SCAF1: variants seen among roughly 807,000 people sequenced by gnomAD.
SCAF1 encodes the protein splicing factor, arginine/serine-rich 19.
In SCAF1, 28 loss-of-function variants were observed where a neutral mutation model predicts 91.2. The ratio of observed to expected loss-of-function variants is 0.31; its 90% CI spans 0.23 to 0.42. The LOEUF (loss-of-function observed/expected upper bound fraction) is 0.42, where lower values mean the gene tolerates loss of function less well. SCAF1 is among the 10% of genes least tolerant of loss of function. SCAF1 has a pLI of 1.00. For synonymous variants in SCAF1, 1,036 were observed against 833.7 expected, an observed-to-expected ratio of 1.24 and a Z score of -4.18; for missense variants, 1,893 against 1,872.1, an observed-to-expected ratio of 1.01 and a Z score of -0.21.
At chr19:49,649,516 A>G (rs1568441710) in intron 6 of SCAF1, among the ~76,000 whole-genome samples, 2 of 151,984 alleles carry the variant, frequency 1.3e-5, no homozygotes, top group East Asian at 1.9e-4. Flanking sequence ...TGTTTTTGAG[A>G]TGAAGTTTTG....
Position 49,652,436 on chromosome 19 carries a change from C to CG in SCAF1, c.2053dup (p.Ala685GlyfsTer27). The CG allele has an allele frequency of 1.2e-6, 2 of 1,600,286 alleles. No individual in the cohort carries two copies. Among genetic ancestry groups the CG allele is most frequent in the Middle Eastern group, 1.7e-4 (1 of 6,042 alleles). ...GTGTGGTGACCGCGACAGCCGCCGC[C>CG]GGGGGGCCGTGCCACCCTCCATCCA... On this transcript the variant is annotated frameshift_variant, in exon 7 of 11. Coordinates refer to ENST00000360565, the MANE Select transcript of SCAF1 (RefSeq NM_021228.3). LOFTEE classifies it high-confidence loss of function.
Position 49,658,464 on chromosome 19 carries a change from C to A in SCAF1, c.*65C>A. 1.2e-6 allele frequency: 1 copy of A among 851,912 alleles called. No individual in the cohort carries two copies. The highest frequency in any genetic ancestry group is 1.8e-6 in the Non-Finnish European group (1 of 554,944). 52.8% of individuals were successfully genotyped at this position (851,912 alleles called of 1,614,324 possible). On this transcript the variant is annotated 3_prime_UTR_variant, in exon 11 of 11. Coordinates refer to ENST00000360565, the MANE Select transcript of SCAF1 (RefSeq NM_021228.3). ...TCTGGACGTATTTATGGCTCCACCTCCCCACCTCCCTCCCCCGTCAGTGGG... is the reference window on the plus strand; with the variant it reads ...TCTGGACGTATTTATGGCTCCACCTACCCACCTCCCTCCCCCGTCAGTGGG...
rs367769230 is a variant in SCAF1, at chr19:49,652,861, C to T, written c.2472C>T (p.Ser824=). 16 of 1,613,948 alleles carry T rather than the reference C, an allele frequency of 9.9e-6. No individual in the cohort carries two copies. Among genetic ancestry groups the T allele is most frequent in the Non-Finnish European group, 1.1e-5 (13 of 1,180,000 alleles). The change falls in exon 7 of 11, where the codon TCC becomes TCT. Residue 824 remains serine, a synonymous_variant. Transcript: ENST00000360565. The stretch of plus-strand genomic sequence containing the variant: ...GCTCAGGCTCTTCATCCTCGTCGTC[C>T]TCCTGTTCTTCCCGGAAGGTGAAGC... The part of the protein sequence containing the change: ...SSGSGSSSSS[S]SCSSRKVKLQ...
chr19:49,646,233 C>A lies in SCAF1; in HGVS notation c.261+31C>A. 6.4e-7 allele frequency: 1 copy of A among 1,550,514 alleles called. No homozygotes were observed. The highest frequency in any genetic ancestry group is 8.8e-7 in the Non-Finnish European group (1 of 1,139,644). ...TAAGAAGAGGGGGCTGGGGGCCTGG[C>A]TCACGGGTATCAGGGAGGAAGGGAT... is the stretch of plus-strand genomic sequence containing the variant. On this transcript the variant is annotated intron_variant, in intron 4 of 10. Coordinates refer to ENST00000360565, the MANE Select transcript of SCAF1 (RefSeq NM_021228.3). This position sits in a 1 kb window ranked among gnomAD's most constrained non-coding sequence, Gnocchi z 5.6.
At position 49,652,406 on chromosome 19, in the gene SCAF1, A is replaced by C. The variant is rs763895281; in HGVS notation, c.2017A>C (p.Thr673Pro). ...GCCCGCCCCGCCGCCCTCTGGCTCC[A>C]CCTCGTGTGGTGACCGCGACAGCCG... ...PAPAPPPSGS[T>P]SCGDRDSRRR... is the part of the protein sequence containing the mutation. Residue 673 changes from threonine to proline, a missense_variant, in exon 7 of 11, where the codon ACC (threonine) becomes CCC (proline). Thr to Pro is a conservative substitution (Grantham distance 38). Transcript: ENST00000360565. 1.3e-6 allele frequency: 2 copies of C among 1,589,594 alleles called. No individual in the cohort carries two copies. Among genetic ancestry groups the C allele is most frequent in the Admixed American group, 3.4e-5 (2 of 58,234 alleles).
chr19:49,652,236 C>T lies in SCAF1; in HGVS notation c.1847C>T (p.Pro616Leu), dbSNP rs988157191. The T allele has an allele frequency of 7.2e-6, 10 of 1,396,376 alleles. No homozygotes were observed. In the African/African-American group the frequency reaches 1.4e-4, roughly 19 times the overall value. The allele number at this position is 1,396,376 out of a possible 1,614,324, so 86.5% of individuals were successfully genotyped here. A position where few individuals can be genotyped will look rare whatever the true frequency, so the allele number is the denominator to read the frequency against. The change falls in exon 7 of 11, where the codon CCC becomes CTC. Residue 616 changes from proline (P) to leucine (L), a missense_variant. Physicochemically the swap from Pro to Leu is moderately conservative, Grantham distance 98 (BLOSUM62 -3). Transcript: ENST00000360565. ...CGGCGGCGGCGCTCCGCCTCCCCGC[C>T]CCCGGCCACTTCCTCATCGTCGTCC... ...RRRRRRSASP[P>L]PATSSSSSSR...
chr19:49,653,513 C>A lies in SCAF1; in HGVS notation c.3124C>A (p.Pro1042Thr). 1 of 1,570,416 alleles carries A rather than the reference C, an allele frequency of 6.4e-7. No homozygotes were observed. The highest frequency in any genetic ancestry group is 8.6e-7 in the Non-Finnish European group (1 of 1,162,664). The stretch of plus-strand genomic sequence containing the variant: ...AGAGGAAGAGGAGGAGGAGCAGCAG[C>A]CTGCTACCACCACGGCCACCAGCAC... The part of the protein sequence containing the change: ...EEEEEEEEQQ[P>T]ATTTATSTAA... Residue 1042 changes from proline to threonine, a missense_variant, in exon 7 of 11, where the codon CCT becomes ACT. Coordinates refer to ENST00000360565, the MANE Select transcript of SCAF1 (RefSeq NM_021228.3).
At position 49,658,606 on chromosome 19, in the gene SCAF1, C is replaced by T. The variant is rs1412392937; in HGVS notation, c.*207C>T. The T allele has an allele frequency of 3.4e-6, 2 of 595,138 alleles. No homozygotes were observed. Among genetic ancestry groups the T allele is most frequent in the South Asian group, 2.1e-5 (1 of 48,028 alleles). The allele number at this position is 595,138 out of a possible 1,614,324, so 36.9% of individuals were successfully genotyped here. A position where few individuals can be genotyped will look rare whatever the true frequency, so the allele number is the denominator to read the frequency against. ...GTGCCCCTCCCTTCTGTTTGTGCCC[C>T]TCTCCCCAATTTCATTAAAGATTTC... On this transcript the variant is annotated 3_prime_UTR_variant, in exon 11 of 11. Transcript: ENST00000360565.
intron 10 of SCAF1, among the ~76,000 whole-genome samples, 157 bp downstream of exon 10, chr19:49,658,046 T>C (rs1273903219): frequency 1.3e-5 from 2 of 152,180 alleles, no homozygotes; most frequent in African/African-American, 4.8e-5. Context: ...CCTGGGCCTG[T>C]TCCGCTGGCC....
In SCAF1 at chr19:49,654,910, T is replaced by A. The variant is rs1031777758; in HGVS notation, c.3618+40T>A. 2.8e-6 allele frequency: 4 copies of A among 1,450,446 alleles called. No homozygotes were observed. The Admixed American group carries it at 9.4e-5, about 34-fold the overall frequency. 89.8% of individuals were successfully genotyped at this position (1,450,446 alleles called of 1,614,324 possible). A position where few individuals can be genotyped will look rare whatever the true frequency, so the allele number is the denominator to read the frequency against. On this transcript the variant is annotated intron_variant, in intron 9 of 10. Coordinates refer to ENST00000360565, the MANE Select transcript of SCAF1 (RefSeq NM_021228.3). Reference sequence around the variant, plus strand: ...GGAGAGGTGGGGCGGTGCTGACAGTTCTGTAGAGAATATGGACAGGAACTG... The same window carrying A: ...GGAGAGGTGGGGCGGTGCTGACAGTACTGTAGAGAATATGGACAGGAACTG...
rs2081093779 is a variant in SCAF1, at chr19:49,651,869, T to C, written c.1480T>C (p.Tyr494His). ...GATCCTGACCCAACGGCGGGAGCGC[T>C]ACCGCCAGCGCTCGCCCTCCCCGGC... ...RKILTQRRER[Y>H]RQRSPSPAPA... The change falls in exon 7 of 11, where the codon TAC becomes CAC. Residue 494 changes from tyrosine (Y) to histidine (H), a missense_variant. By Grantham distance (83) the Tyr-to-His change is moderately conservative. Around this residue, in one of 5 missense-constraint regions of SCAF1, gnomAD observed 1,436 missense variants for 1,306.8 expected, o/e 1.10. Coordinates refer to ENST00000360565, the MANE Select transcript of SCAF1 (RefSeq NM_021228.3). 4.9e-6 allele frequency: 6 copies of C among 1,230,516 alleles called. No homozygotes were observed. Among genetic ancestry groups the C allele is most frequent in the South Asian group, 2.1e-5 (1 of 47,446 alleles). The allele number at this position is 1,230,516 out of a possible 1,614,324, so 76.2% of individuals were successfully genotyped here. A position where few individuals can be genotyped will look rare whatever the true frequency, so the allele number is the denominator to read the frequency against.
At chr19:49,654,464 C>A (rs1568445978) in intron 8 of SCAF1, 33 bp downstream of exon 8, 1 of 1,595,382 alleles carries the variant, frequency 6.3e-7, no homozygotes, top group South Asian at 1.1e-5. Context: ...CCCTGCCGCC[C>A]CTTCTTTTGT....
At position 49,652,629 on chromosome 19, in the gene SCAF1, G is replaced by A. The variant is rs1319010641; in HGVS notation, c.2240G>A (p.Ser747Asn). 1 of 1,563,562 alleles carries A rather than the reference G, an allele frequency of 6.4e-7. No individual in the cohort carries two copies. The highest frequency in any genetic ancestry group is 8.7e-7 in the Non-Finnish European group (1 of 1,154,136). ...GGCGAGGAGCGGGGCGGCAAGAGCA[G>A]CCAGAAGGATCGGCGCCGCTCGGGG... is the stretch of plus-strand genomic sequence containing the variant. ...LSGEERGGKS[S>N]QKDRRRSGAA... Residue 747 changes from serine (S) to asparagine (N), a missense_variant, in exon 7 of 11, where the codon AGC (serine) becomes AAC (asparagine). Transcript: ENST00000360565.
intron 6 of SCAF1, among the ~76,000 whole-genome samples, chr19:49,647,840 C>G (rs942309754): frequency 6.6e-6 from 1 of 152,140 alleles, no homozygotes; most frequent in African/African-American, 2.4e-5. Context: ...ACCATGCTGG[C>G]CAGGATGGCC....
chr19:49,653,649 C>T lies in SCAF1; in HGVS notation c.3260C>T (p.Pro1087Leu). 2 of 1,588,172 alleles carry T rather than the reference C, an allele frequency of 1.3e-6. No homozygotes were observed. Among genetic ancestry groups the T allele is most frequent in the South Asian group, 1.1e-5 (1 of 88,302 alleles). ...RVSQLPTLPP[P>L]MPWNLPAGVD... Reference sequence around the variant, plus strand: ...TCCCAGCTGCCCACGTTGCCCCCGCCCATGCCCTGGAATCTGCCAGCTGGT... The same window carrying T: ...TCCCAGCTGCCCACGTTGCCCCCGCTCATGCCCTGGAATCTGCCAGCTGGT... The change falls in exon 7 of 11, where the codon CCC becomes CTC. Residue 1087 changes from proline to leucine, a missense_variant. Physicochemically the swap from Pro to Leu is moderately conservative, Grantham distance 98. Around this residue, in one of 5 missense-constraint regions of SCAF1, gnomAD observed 1,436 missense variants for 1,306.8 expected, o/e 1.10. Transcript: ENST00000360565.
At position 49,645,400 on chromosome 19, in the gene SCAF1, C is replaced by T. The variant is rs771861463; in HGVS notation, c.155C>T (p.Pro52Leu). ...AVGSSLQGDL[P>L]NDKDGSRCHG... ...GGAAGCTCCCTGCAGGGGGACCTGC[C>T]CAATGATAAAGGTATGGCGGCTTCC... The change falls in exon 3 of 11, where the codon CCC becomes CTC. Residue 52 changes from proline (P) to leucine (L), a missense_variant. Pro to Leu is a moderately conservative substitution (Grantham distance 98). This residue lies in a region of SCAF1 where 270 missense variants were observed against 292.5 expected (regional missense o/e 0.92). Coordinates refer to ENST00000360565, the MANE Select transcript of SCAF1 (RefSeq NM_021228.3). The surrounding 1 kb of genome is among the most constrained non-coding windows in gnomAD (Gnocchi z 4.6). 28 of 1,613,676 alleles carry T rather than the reference C, an allele frequency of 1.7e-5. No individual in the cohort carries two copies. The South Asian group carries it at 3.1e-4, about 18-fold the overall frequency.
rs1231610726 is a variant in SCAF1, at chr19:49,654,779, G to A, written c.3527G>A (p.Gly1176Asp). ...LPGSLPLGGCGSTPPTPTGLA... is the reference protein window; with the variant it reads ...LPGSLPLGGCDSTPPTPTGLA... ...GGCAGCCTCCCTCTGGGGGGCTGCG[G>A]TTCGACCCCCCCCACCCCCACCGGG... is the stretch of plus-strand genomic sequence containing the variant. The change falls in exon 9 of 11, where the codon GGT (glycine) becomes GAT (aspartate). Residue 1176 changes from glycine to aspartate, a missense_variant. Transcript: ENST00000360565. 1.2e-6 allele frequency: 2 copies of A among 1,613,168 alleles called. No individual in the cohort carries two copies. Among genetic ancestry groups the A allele is most frequent in the Admixed American group, 1.7e-5 (1 of 59,978 alleles).
chr19:49,643,197 A>G (rs1168048157), intron 1 of SCAF1, among the ~76,000 whole-genome samples: 1 of 152,210 alleles, frequency 6.6e-6, no homozygotes, highest in African/African-American at 2.4e-5. Context: ...ATTAATCTAC[A>G]TTAGTCTGGA....
Position 49,648,740 on chromosome 19 carries a change from A to G in SCAF1, c.478+1910A>G, listed in dbSNP as rs139602944. Reference sequence around the variant, plus strand: ...GTAATCCCAGCACTTTGGGAGGCCAATGTGAGCGGATCATGAGGTCAAGAG... The same window carrying G: ...GTAATCCCAGCACTTTGGGAGGCCAGTGTGAGCGGATCATGAGGTCAAGAG... On this transcript the variant is annotated intron_variant, in intron 6 of 10. Transcript: ENST00000360565. Among the ~76,000 whole-genome samples the G allele has an allele frequency of 2.5e-3, 385 of 152,126 alleles. 2 individuals are homozygous for G. Among genetic ancestry groups the G allele is most frequent in the African/African-American group, 8.7e-3 (360 of 41,500 alleles).
Sources: gnomAD v4.1 joint callset for allele counts (sites outside exome capture counted in the v4.1 genomes callset) on GRCh38, gnomAD v4.1.1 for gene constraint, gnomAD v4.1.1 regional missense constraint, Gnocchi (gnomAD v3.1) non-coding constraint, MANE v1.5 for transcripts, NCBI Gene and HGNC (gene_info 2026-07-23, HGNC 2026-07-21) for gene names.